Variants in TRAPPC9 observed in about 807,000 individuals in gnomAD.
TRAPPC9 encodes the protein trafficking protein particle complex subunit 9, also known as IKK2 binding protein.
Under a neutral mutation model 124.0 loss-of-function variants are expected in TRAPPC9, and 83 were observed. The observed-to-expected ratio is 0.67, with a 90% CI of 0.56 to 0.80. The LOEUF (loss-of-function observed/expected upper bound fraction) is 0.80, where lower values mean the gene tolerates loss of function less well. Ranked by LOEUF, TRAPPC9 falls within the 30% of genes least tolerant of loss-of-function variation. The pLI is 0.00. For synonymous variants in TRAPPC9, 638 were observed against 617.5 expected (o/e 1.03, Z -0.49); for missense variants, 1,302 against 1,508.3 (o/e 0.86, Z 2.27).
intron 17 of TRAPPC9, among the ~76,000 whole-genome samples, chr8:140,221,015 G>A (rs909952493): frequency 1.2e-4 from 19 of 152,198 alleles, no homozygotes; most frequent in East Asian, 1.9e-4. Context: ...CCCGCGGCAC[G>A]TAGCTTTGCA....
chr8:139,893,106 G>A (rs943742876), intron 20 of TRAPPC9, among the ~76,000 whole-genome samples: 12 of 152,194 alleles, frequency 7.9e-5, no homozygotes, highest in Admixed American at 3.9e-4. Context: ...AAACCAAGAC[G>A]TGCCGTGTTT....
chr8:139,865,710 A>G (rs1175650448), intron 21 of TRAPPC9, among the ~76,000 whole-genome samples: 2 of 152,196 alleles, frequency 1.3e-5, no homozygotes, highest in African/African-American at 4.8e-5. Context: ...GGGTCCCAAG[A>G]GAACCCAGTT....
intron 21 of TRAPPC9, among the ~76,000 whole-genome samples, chr8:139,806,994 G>C (rs1022538946): frequency 6.6e-6 from 1 of 152,234 alleles, no homozygotes. Flanking sequence ...GGCCTCCGGA[G>C]AGCCACCTGC....
rs565795808 is a variant in TRAPPC9 at position 140,001,328 on chromosome 8, T to C, written c.2700-12492A>G. 4.6e-5 allele frequency among the ~76,000 whole-genome samples: 7 copies of C among 152,090 alleles called. No homozygotes were observed. In the South Asian group the frequency reaches 1.5e-3, roughly 32 times the overall value. ...GGGTGCAGCAAACCAACATGGCACA[T>C]ATATACCTATGTAACAAACCTGCAC... On this transcript the variant is annotated intron_variant, in intron 18 of 22. Transcript: ENST00000438773.
rs181694101 is a variant in TRAPPC9 at position 140,380,391 on chromosome 8, C to T, written c.1135-9211G>A. Among the ~76,000 whole-genome samples the T allele has an allele frequency of 7.1e-3, 1,073 of 152,192 alleles. 2 individuals are homozygous for T. The highest frequency in any genetic ancestry group is 9.7e-3 in the Non-Finnish European group (662 of 67,986). On this transcript the variant is annotated intron_variant, in intron 7 of 22. Coordinates refer to ENST00000438773, the MANE Select transcript of TRAPPC9 (RefSeq NM_001160372.4). Reference sequence around the variant, plus strand: ...AAGTTAGCCCTGGCATGGCGGCTCACGGCTGTAATCCCAGCGCTTTGGGAG... The same window carrying T: ...AAGTTAGCCCTGGCATGGCGGCTCATGGCTGTAATCCCAGCGCTTTGGGAG...
At position 140,252,584 on chromosome 8, in the gene TRAPPC9, A is replaced by G. The variant is rs2064154971; in HGVS notation, c.2431+193T>C. 8.3e-6 allele frequency: 5 copies of G among 599,554 alleles called. No individual in the cohort carries two copies. The South Asian group carries it at 8.5e-5, about 10-fold the overall frequency. 37.1% of individuals were successfully genotyped at this position (599,554 alleles called of 1,614,324 possible). The stretch of plus-strand genomic sequence containing the variant: ...GTGAGAATTAAATCATTTAGATAAA[A>G]AGTACTTTTATTACTTTCAGACACA... On this transcript the variant is annotated intron_variant, in intron 16 of 22. Transcript: ENST00000438773. The surrounding 1 kb of genome is among the most constrained non-coding windows in gnomAD (Gnocchi z 4.2).
intron 21 of TRAPPC9, among the ~76,000 whole-genome samples, chr8:139,781,896 G>C (rs1478014274): frequency 6.6e-6 from 1 of 152,146 alleles, no homozygotes; most frequent in Non-Finnish European, 1.5e-5. Context: ...ACAAAGAACA[G>C]TTGGGGAAGG....
intron 9 of TRAPPC9, among the ~76,000 whole-genome samples, chr8:140,339,670 G>A (rs977809669): frequency 1.2e-4 from 19 of 152,198 alleles, no homozygotes; most frequent in Admixed American, 9.2e-4. Flanking sequence ...TTTCCAGTTC[G>A]TTCCAGTTTC....
In TRAPPC9 at chr8:140,203,258, G is replaced by A. The variant is rs577613882; in HGVS notation, c.2556+18201C>T. ...TTTGAATTACGGGGAAAACACACCC[G>A]CAGGTATTCATATACGCAGGTCATT... On this transcript the variant is annotated intron_variant, in intron 17 of 22. Coordinates refer to ENST00000438773, the MANE Select transcript of TRAPPC9 (RefSeq NM_001160372.4). Among the ~76,000 whole-genome samples, 6 of 152,282 alleles carry A rather than the reference G, an allele frequency of 3.9e-5. No individual in the cohort carries two copies. In the South Asian group the frequency reaches 6.2e-4, roughly 16 times the overall value.
rs550126449 is a variant in TRAPPC9 at position 139,939,501 on chromosome 8, A to G, written c.2811-29201T>C. Reference sequence around the variant, plus strand: ...ACCGAGACCCTCAGCCCACCCTCCCAGTCCCCATTCCCAGGGCAGGATCTG... The same window carrying G: ...ACCGAGACCCTCAGCCCACCCTCCCGGTCCCCATTCCCAGGGCAGGATCTG... On this transcript the variant is annotated intron_variant, in intron 19 of 22. Coordinates refer to ENST00000438773, the MANE Select transcript of TRAPPC9 (RefSeq NM_001160372.4). Among the ~76,000 whole-genome samples the G allele has an allele frequency of 4.7e-5, 7 of 148,258 alleles. No homozygotes were observed. In the South Asian group the frequency reaches 1.6e-3, roughly 34 times the overall value.
chr8:140,398,376 G>A (rs1384875714), intron 6 of TRAPPC9, among the ~76,000 whole-genome samples: 1 of 152,186 alleles, frequency 6.6e-6, no homozygotes, highest in Non-Finnish European at 1.5e-5. Flanking sequence ...AGGAAAATGT[G>A]GGAAAGTTTG....
chr8:140,323,848 A>G (rs1323390130), intron 9 of TRAPPC9, among the ~76,000 whole-genome samples: 1 of 152,220 alleles, frequency 6.6e-6, no homozygotes, highest in African/African-American at 2.4e-5. Context: ...CCAAGATCCA[A>G]CTATATATAC....
intron 19 of TRAPPC9, among the ~76,000 whole-genome samples, chr8:139,972,988 C>T (rs1412386139): frequency 6.6e-6 from 1 of 152,150 alleles, no homozygotes; most frequent in Non-Finnish European, 1.5e-5. Flanking sequence ...GGGACGACCA[C>T]GTTCTCATTC....
chr8:140,326,318 G>C (rs2066737145), intron 9 of TRAPPC9, among the ~76,000 whole-genome samples: 1 of 152,178 alleles, frequency 6.6e-6, no homozygotes, highest in East Asian at 1.9e-4. Flanking sequence ...ACCTTCCCTG[G>C]TGACTCTGCC....
intron 15 of TRAPPC9, among the ~76,000 whole-genome samples, chr8:140,264,391 T>C (rs186767310): frequency 3.9e-5 from 6 of 152,256 alleles, no homozygotes; most frequent in Non-Finnish European, 2.9e-5. Flanking sequence ...CTTCCTTCCA[T>C]GTGTTATGAG....
intron 3 of TRAPPC9, among the ~76,000 whole-genome samples, chr8:140,437,241 G>A (rs1397542646): frequency 6.6e-6 from 1 of 152,130 alleles, no homozygotes; most frequent in Non-Finnish European, 1.5e-5. Flanking sequence ...TTTTGTAGAA[G>A]TGAGGTGAAG....
chr8:140,423,122 T>G (rs7822256), intron 5 of TRAPPC9, among the ~76,000 whole-genome samples: 4,412 of 152,184 alleles, frequency 0.029, 217 homozygotes, highest in African/African-American at 0.095. Context: ...CAACTCCCCT[T>G]CCTAGACATA....
chr8:140,144,026 T>C (rs563425138), intron 17 of TRAPPC9, among the ~76,000 whole-genome samples: 10 of 152,366 alleles, frequency 6.6e-5, no homozygotes, highest in Admixed American at 3.3e-4. Context: ...TGGGGCTTTC[T>C]ATTCTCTTTC....
chr8:140,043,333 T>C (rs1841381668), intron 17 of TRAPPC9, among the ~76,000 whole-genome samples: 1 of 152,240 alleles, frequency 6.6e-6, no homozygotes, highest in Non-Finnish European at 1.5e-5. Context: ...AATCATCTTG[T>C]GGCTAAAGCC....
Sources: gnomAD v4.1 joint callset for allele counts (sites outside exome capture counted in the v4.1 genomes callset) on GRCh38, gnomAD v4.1.1 for gene constraint, Gnocchi (gnomAD v3.1) non-coding constraint, MANE v1.5 for transcripts, NCBI Gene and HGNC (gene_info 2026-07-23, HGNC 2026-07-21) for gene names.